Variants in ADCYAP1R1 observed in about 807,000 individuals in gnomAD.
ADCYAP1R1 encodes pituitary adenylate cyclase-activating polypeptide type I receptor.
A neutral mutation model predicts 67.6 loss-of-function variants in ADCYAP1R1; 44 were observed. The ratio of observed to expected loss-of-function variants is 0.65; its 90% confidence interval spans 0.51 to 0.84. The LOEUF is 0.84. ADCYAP1R1 is among the 40% of genes least tolerant of loss of function. ADCYAP1R1 has a pLI of 0.00. For synonymous variants in ADCYAP1R1, 222 were observed against 219.6 expected (o/e 1.01, Z -0.10); for missense variants, 477 against 587.9 (o/e 0.81, Z 1.95).
At chr7:31,106,321 C>T (rs1466974051) in intron 15 of ADCYAP1R1, among the ~76,000 whole-genome samples, 175 bp from the exon 16 acceptor site, 1 of 152,214 alleles carries the variant, frequency 6.6e-6, no homozygotes, top group Non-Finnish European at 1.5e-5. Flanking sequence ...GCTTCCTTGC[C>T]TACAGCTGCT....
At chr7:31,084,036 C>A in intron 6 of ADCYAP1R1, 105 bp from the exon 7 acceptor site, 1 of 917,320 alleles carries the variant, frequency 1.1e-6, no homozygotes, top group South Asian at 1.5e-5. Context: ...CCCAGTTGGT[C>A]ATAGGGGTTT....
chr7:31,093,841 G>C (rs1056288193), intron 13 of ADCYAP1R1, among the ~76,000 whole-genome samples: 1 of 152,142 alleles, frequency 6.6e-6, no homozygotes, highest in East Asian at 1.9e-4. Flanking sequence ...AAGTGGGACA[G>C]TGAGAGATCC....
At position 31,065,119 on chromosome 7, in the gene ADCYAP1R1, G is replaced by A. The variant is rs112841848; in HGVS notation, c.157+183G>A. Among the ~76,000 whole-genome samples, 1,152 of 152,292 alleles carry A rather than the reference G, an allele frequency of 7.6e-3. 15 individuals carry two copies. Among genetic ancestry groups the A allele is most frequent in the African/African-American group, 0.026 (1,100 of 41,536 alleles). On this transcript the variant is annotated intron_variant, in intron 3 of 15. Transcript: ENST00000304166. ...TGATGCTGGGGTTGCTCTCCTCAAG[G>A]CTGATGTGGTCTGGATGCCTCACAG...
At chr7:31,078,249 C>T in intron 4 of ADCYAP1R1, 151 bp downstream of exon 4, 1 of 596,976 alleles carries the variant, frequency 1.7e-6, no homozygotes, top group East Asian at 2.9e-5. Context: ...AAACCACAGA[C>T]ACTTGCACAC....
chr7:31,087,022 G>A lies in ADCYAP1R1; in HGVS notation c.884+19G>A. 1 of 1,614,066 alleles carries A rather than the reference G, an allele frequency of 6.2e-7. No individual in the cohort carries two copies. Among genetic ancestry groups the A allele is most frequent in the East Asian group, 2.2e-5 (1 of 44,872 alleles). Reference sequence around the variant, plus strand: ...ACACAGGGTTAGTACATGCGCGAGAGTCAGGGCCACAGCACAGAGTAGATT... The same window carrying A: ...ACACAGGGTTAGTACATGCGCGAGAATCAGGGCCACAGCACAGAGTAGATT... On this transcript the variant is annotated intron_variant, in intron 11 of 15. Transcript: ENST00000304166.
intron 3 of ADCYAP1R1, among the ~76,000 whole-genome samples, chr7:31,072,805 A>T (rs773260760): frequency 2.6e-5 from 4 of 152,368 alleles, no homozygotes; most frequent in Non-Finnish European, 5.9e-5. Flanking sequence ...AGGATCTTGA[A>T]CTGAGAATTT....
chr7:31,096,936 T>C (rs1489071437), intron 13 of ADCYAP1R1, among the ~76,000 whole-genome samples: 2 of 152,318 alleles, frequency 1.3e-5, no homozygotes, highest in East Asian at 3.9e-4. Flanking sequence ...CCTGCAGGTG[T>C]CTCTGTCTAG....
chr7:31,084,240 C>G lies in ADCYAP1R1; in HGVS notation c.428C>G (p.Thr143Ser). Reference protein sequence around the residue: ...ACGFDEYESETGDQDYYYLSV... With the variant: ...ACGFDEYESESGDQDYYYLSV... ...GGGTTTGATGAATATGAATCTGAGA[C>G]TGGGGACCAGGTGAGTGTCTGCACC... The change falls in exon 7 of 16, where the codon ACT becomes AGT. Residue 143 changes from threonine (T) to serine (S), a missense_variant. Thr to Ser is a moderately conservative substitution (Grantham distance 58). Coordinates refer to ENST00000304166, the MANE Select transcript of ADCYAP1R1 (RefSeq NM_001118.5). 1 of 1,613,928 alleles carries G rather than the reference C, an allele frequency of 6.2e-7. No individual in the cohort carries two copies. The highest frequency in any genetic ancestry group is 1.1e-5 in the South Asian group (1 of 91,052).
At chr7:31,076,825 G>C (rs1448888457) in intron 3 of ADCYAP1R1, among the ~76,000 whole-genome samples, 1 of 152,150 alleles carries the variant, frequency 6.6e-6, no homozygotes, top group Non-Finnish European at 1.5e-5. Context: ...GCCCTGCTGA[G>C]GGGGTGGATC....
Position 31,085,394 on chromosome 7 carries a change from C to G in ADCYAP1R1, c.621C>G (p.Asp207Glu). The change falls in exon 9 of 16, where the codon GAC (aspartate) becomes GAG (glutamate). Residue 207 changes from aspartate (D) to glutamate (E), a missense_variant. Coordinates refer to ENST00000304166, the MANE Select transcript of ADCYAP1R1 (RefSeq NM_001118.5). ...GGGCGATCTCCGTCTTCATCAAAGACTGGATTCTGTATGCGGAGCAGGACA... is the reference window on the plus strand; with the variant it reads ...GGGCGATCTCCGTCTTCATCAAAGAGTGGATTCTGTATGCGGAGCAGGACA... The part of the protein sequence containing the change: ...MLRAISVFIK[D>E]WILYAEQDSN... 6.2e-7 allele frequency: 1 copy of G among 1,614,048 alleles called. No individual in the cohort carries two copies.
rs79461526 is a variant in ADCYAP1R1 at position 31,098,708 on chromosome 7, G to A, written c.1047-4529G>A. 8.4e-4 allele frequency among the ~76,000 whole-genome samples: 42 copies of A among 49,808 alleles called. 2 individuals are homozygous for A. The highest frequency in any genetic ancestry group is 8.8e-3 in the Middle Eastern group (1 of 114). 32.7% of individuals were successfully genotyped at this position (49,808 alleles called of 152,430 possible). A position where few individuals can be genotyped will look rare whatever the true frequency, so the allele number is the denominator to read the frequency against. On this transcript the variant is annotated intron_variant, in intron 13 of 15. Coordinates refer to ENST00000304166, the MANE Select transcript of ADCYAP1R1 (RefSeq NM_001118.5). ...TATGCACAGATGCAGCGGGGCGGGG[G>A]GGGGGGGGGGACCTGGGCTTGCCCC...
At chr7:31,056,535 G>C (rs1183018399) in intron 1 of ADCYAP1R1, among the ~76,000 whole-genome samples, 1 of 151,950 alleles carries the variant, frequency 6.6e-6, no homozygotes, top group African/African-American at 2.4e-5. Context: ...CACCTGTGGT[G>C]GGGGTGGGCC....
chr7:31,065,623 C>A (rs569402817), intron 3 of ADCYAP1R1, among the ~76,000 whole-genome samples: 142 of 152,308 alleles, frequency 9.3e-4, no homozygotes, highest in African/African-American at 3.0e-3. Context: ...GTGGCCCCAT[C>A]GAACCCCTCT....
intron 3 of ADCYAP1R1, 106 bp downstream of exon 3, chr7:31,065,042 G>A (rs1208799031): frequency 1.2e-6 from 1 of 802,450 alleles, no homozygotes. Context: ...GGGTTTCTGG[G>A]GACTTCAGAA....
intron 2 of ADCYAP1R1, 60 bp from the exon 3 acceptor site, chr7:31,064,771 G>A: frequency 7.2e-7 from 1 of 1,388,992 alleles, no homozygotes; most frequent in African/African-American, 1.4e-5. Context: ...GGCTTTGGTA[G>A]GAGAGCTTAC....
intron 13 of ADCYAP1R1, 89 bp from the exon 14 acceptor site, chr7:31,103,148 A>T: frequency 6.5e-7 from 1 of 1,531,264 alleles, no homozygotes; most frequent in Non-Finnish European, 8.8e-7. Context: ...AGGGAGAATA[A>T]GGGACTGGGG....
chr7:31,052,944 C>T (rs1008214611), intron 1 of ADCYAP1R1, among the ~76,000 whole-genome samples: 3 of 152,246 alleles, frequency 2.0e-5, no homozygotes, highest in East Asian at 3.9e-4. Flanking sequence ...CTCGGGGCGG[C>T]CGATCGCCGC....
rs1442465326 is a variant in ADCYAP1R1 at position 31,052,592 on chromosome 7, C to A, written c.-158C>A. 6.7e-6 allele frequency: 1 copy of A among 149,870 alleles called. No individual in the cohort carries two copies. Among genetic ancestry groups the A allele is most frequent in the Non-Finnish European group, 1.5e-5 (1 of 67,256 alleles). The allele number at this position is 149,870 out of a possible 1,614,324, so 9.3% of individuals were successfully genotyped here. A position where few individuals can be genotyped will look rare whatever the true frequency, so the allele number is the denominator to read the frequency against. ...CTCCTCGGCGCACACGCTCCCCATC[C>A]CCGCGCCGCGCGGGCCGCGGACTTG... On this transcript the variant is annotated 5_prime_UTR_variant, in exon 1 of 16. Transcript: ENST00000304166.
chr7:31,070,499 G>T (rs75286760), intron 3 of ADCYAP1R1, among the ~76,000 whole-genome samples: 4 of 152,286 alleles, frequency 2.6e-5, no homozygotes, highest in African/African-American at 7.2e-5. Context: ...TCCTCTCTAC[G>T]TTCAATAGAG....
Sources: gnomAD v4.1 joint callset for allele counts (sites outside exome capture counted in the v4.1 genomes callset) on GRCh38, gnomAD v4.1.1 for gene constraint, MANE v1.5 for transcripts, NCBI Gene and HGNC (gene_info 2026-07-23, HGNC 2026-07-21) for gene names.